Variants in KMT2C observed in about 807,000 individuals in gnomAD.
KMT2C encodes histone-lysine N-methyltransferase 2C.
Under a neutral mutation model 507.9 loss-of-function variants are expected in KMT2C, and 88 were observed. The ratio of observed to expected loss-of-function variants is 0.17; its 90% CI spans 0.15 to 0.21. KMT2C has a LOEUF of 0.21. Ranked by LOEUF, KMT2C falls within the 10% of genes least tolerant of loss-of-function variation. KMT2C has a pLI of 1.00. For missense variants in KMT2C, 4,954 were observed against 5,957.8 expected, an observed-to-expected ratio of 0.83 and a Z score of 5.55; for synonymous variants, 2,049 against 2,080.8, an observed-to-expected ratio of 0.98 and a Z score of 0.42.
At chr7:152,340,174 G>T (rs1286949462) in intron 2 of KMT2C, among the ~76,000 whole-genome samples, 2 of 142,972 alleles carry the variant, frequency 1.4e-5, no homozygotes, top group Non-Finnish European at 3.0e-5. Flanking sequence ...TTTTGGTAGA[G>T]ACAGGGATTA....
intron 18 of KMT2C, among the ~76,000 whole-genome samples, chr7:152,228,969 C>T (rs2095023705): frequency 6.6e-6 from 1 of 152,062 alleles, no homozygotes; most frequent in Non-Finnish European, 1.5e-5. Context: ...TCACAAAAAC[C>T]TGTATTACCC....
intron 9 of KMT2C, among the ~76,000 whole-genome samples, chr7:152,255,109 T>TTTTATATATATA (rs1491178887): frequency 2.6e-5 from 2 of 78,344 alleles, no homozygotes; most frequent in Non-Finnish European, 5.4e-5. Flanking sequence ...CAACTCTCAC[T>TTTTATATATATA]TATATATATA....
intron 1 of KMT2C, 88 bp from the exon 2 acceptor site, chr7:152,358,763 G>A (rs1256799288): frequency 1.2e-6 from 1 of 812,296 alleles, no homozygotes; most frequent in African/African-American, 1.7e-5. Context: ...GGCACAATTT[G>A]AAGGTATACA....
At position 152,367,305 on chromosome 7, in the gene KMT2C, G is replaced by A; in HGVS notation, c.162-8630C>T. ...GCCAACTATTCCAAGTTTCCCAGCTGGAGGAGCCCTGACCTGCACCTTCGC... is the reference window on the plus strand; with the variant it reads ...GCCAACTATTCCAAGTTTCCCAGCTAGAGGAGCCCTGACCTGCACCTTCGC... On this transcript the variant is annotated intron_variant, in intron 1 of 58. Coordinates refer to ENST00000262189, the MANE Select transcript of KMT2C (RefSeq NM_170606.3). 2.8e-6 allele frequency: 3 copies of A among 1,090,580 alleles called. No individual in the cohort carries two copies. The South Asian group carries it at 4.0e-5, about 15-fold the overall frequency. The allele number at this position is 1,090,580 out of a possible 1,614,324, so 67.6% of individuals were successfully genotyped here.
chr7:152,190,109 C>A (rs2129126533), intron 31 of KMT2C, among the ~76,000 whole-genome samples: 1 of 152,272 alleles, frequency 6.6e-6, no homozygotes, highest in Non-Finnish European at 1.5e-5. Context: ...ACAGTTTCAT[C>A]GCAAAACCAT....
At chr7:152,262,562 C>T (rs981426343) in intron 9 of KMT2C, among the ~76,000 whole-genome samples, 4 of 152,164 alleles carry the variant, frequency 2.6e-5, no homozygotes, top group Non-Finnish European at 4.4e-5. Flanking sequence ...AAATGTTCAC[C>T]AACAGGTGAT....
At chr7:152,265,899 T>C (rs1424925519) in intron 7 of KMT2C, among the ~76,000 whole-genome samples, 1 of 152,268 alleles carries the variant, frequency 6.6e-6, no homozygotes, top group Non-Finnish European at 1.5e-5. Context: ...TCCCTAAATG[T>C]GGATTAAAAG....
Position 152,231,950 on chromosome 7 carries a change from G to C in KMT2C, c.2770-1629C>G, listed in dbSNP as rs1477169941. 5.3e-5 allele frequency among the ~76,000 whole-genome samples: 8 copies of C among 151,294 alleles called. No individual in the cohort carries two copies. The East Asian group carries it at 9.8e-4, about 18-fold the overall frequency. On this transcript the variant is annotated intron_variant, in intron 16 of 58. Transcript: ENST00000262189. Reference sequence around the variant, plus strand: ...GCTGGAGTGCAGTGGTGCAGTCTCGGCTCAGTGCAAGCTCTGTCTCCCAGG... The same window carrying C: ...GCTGGAGTGCAGTGGTGCAGTCTCGCCTCAGTGCAAGCTCTGTCTCCCAGG...
At chr7:152,240,758 C>T (rs2095367567) in intron 14 of KMT2C, among the ~76,000 whole-genome samples, 2 of 152,192 alleles carry the variant, frequency 1.3e-5, no homozygotes, top group Admixed American at 1.3e-4. Flanking sequence ...TCAGCAAATT[C>T]AAGACTTTTT....
chr7:152,214,549 T>C (rs1458497462), intron 23 of KMT2C, among the ~76,000 whole-genome samples: 20 of 152,252 alleles, frequency 1.3e-4, no homozygotes, highest in Non-Finnish European at 2.8e-4. Context: ...TCATACTTTT[T>C]TCCCCCTCTT....
rs142788583 is a variant in KMT2C at position 152,177,741 on chromosome 7, C to T, written c.7712G>A (p.Arg2571Gln). ...GCCAGGTGGAGCACTGAAAGGCAGCCGTTGCCTTCCGTCAGGAGCCCTATG... is the reference window on the plus strand; with the variant it reads ...GCCAGGTGGAGCACTGAAAGGCAGCTGTTGCCTTCCGTCAGGAGCCCTATG... ...LRHRAPDGRQ[R>Q]LPFSAPPGSV... is the part of the protein sequence containing the mutation. The change falls in exon 38 of 59, where the codon CGG (arginine) becomes CAG (glutamine). Residue 2571 changes from arginine (R) to glutamine (Q), a missense_variant. By Grantham distance (43) the Arg-to-Gln change is conservative. Coordinates refer to ENST00000262189, the MANE Select transcript of KMT2C (RefSeq NM_170606.3). 1.2e-5 allele frequency: 20 copies of T among 1,614,000 alleles called. No individual in the cohort carries two copies. The highest frequency in any genetic ancestry group is 6.7e-5 in the East Asian group (3 of 44,866).
At chr7:152,184,281 T>C (rs1420040236) in intron 34 of KMT2C, among the ~76,000 whole-genome samples, 1 of 152,026 alleles carries the variant, frequency 6.6e-6, no homozygotes, top group Non-Finnish European at 1.5e-5. Context: ...ACATATATGC[T>C]CTATCCAAAA....
At chr7:152,360,886 T>C (rs2097191642) in intron 1 of KMT2C, among the ~76,000 whole-genome samples, 1 of 150,512 alleles carries the variant, frequency 6.6e-6, no homozygotes, top group Non-Finnish European at 1.5e-5. Context: ...AAAGCCTAAA[T>C]GGTTTTATAA....
chr7:152,329,304 C>T (rs2096858622), intron 3 of KMT2C, among the ~76,000 whole-genome samples: 1 of 152,088 alleles, frequency 6.6e-6, no homozygotes, highest in Non-Finnish European at 1.5e-5. Context: ...GTGGTTCATG[C>T]TTGCACTTCC....
At chr7:152,266,607 T>C (rs1279885223) in intron 7 of KMT2C, among the ~76,000 whole-genome samples, 1 of 152,294 alleles carries the variant, frequency 6.6e-6, no homozygotes, top group African/African-American at 2.4e-5. Flanking sequence ...ACGTTCTTTC[T>C]TTTCCAGTCA....
intron 1 of KMT2C, among the ~76,000 whole-genome samples, chr7:152,401,695 AT>A (rs2097575091): frequency 1.3e-5 from 2 of 152,300 alleles, no homozygotes; most frequent in South Asian, 2.1e-4. Flanking sequence ...TCTCAAAAAA[AT>A]AAATAAATAA....
intron 3 of KMT2C, among the ~76,000 whole-genome samples, chr7:152,329,423 A>T (rs1230475306): frequency 6.6e-6 from 1 of 152,018 alleles, no homozygotes. Flanking sequence ...CTTAAAAATT[A>T]GCCAAGTATG....
chr7:152,291,362 T>G (rs2096424155), intron 6 of KMT2C, among the ~76,000 whole-genome samples: 1 of 152,298 alleles, frequency 6.6e-6, no homozygotes, highest in African/African-American at 2.4e-5. Context: ...GCTGACACTA[T>G]TATATAATAG....
chr7:152,345,187 A>AG (rs1386447024), intron 2 of KMT2C, among the ~76,000 whole-genome samples: 1 of 151,986 alleles, frequency 6.6e-6, no homozygotes, highest in Non-Finnish European at 1.5e-5. Flanking sequence ...TAGGAGGCTG[A>AG]GGCCAGCATT....
Sources: allele counts gnomAD v4.1 joint callset (sites outside exome capture counted in the v4.1 genomes callset), GRCh38; gene constraint gnomAD v4.1.1; transcripts MANE v1.5; gene names NCBI Gene and HGNC (gene_info 2026-07-23, HGNC 2026-07-21).